Variants in PVT1 observed in about 807,000 individuals in gnomAD.
PVT1 encodes CXCR4/PVT1 fusion.
intron 6 of PVT1, among the ~76,000 whole-genome samples, chr8:128,099,206 C>T (rs1235013927): frequency 1.3e-5 from 2 of 152,238 alleles, no homozygotes; most frequent in Non-Finnish European, 2.9e-5. Flanking sequence ...GATCACACAT[C>T]CCTAGCCGAT....
At chr8:128,080,850 T>C (rs1814167032) in intron 5 of PVT1, among the ~76,000 whole-genome samples, 1 of 152,240 alleles carries the variant, frequency 6.6e-6, no homozygotes, top group Non-Finnish European at 1.5e-5. Context: ...TTAAATTTAC[T>C]TTTAGGTCTA....
intron 4 of PVT1, among the ~76,000 whole-genome samples, chr8:128,046,479 T>C (rs1813614460): frequency 6.6e-6 from 1 of 152,222 alleles, no homozygotes; most frequent in Non-Finnish European, 1.5e-5. Context: ...GGAATGTTCT[T>C]AGAACTGTAG....
chr8:127,976,999 T>G lies in PVT1; in HGVS notation n.783-12163T>G, dbSNP rs114795600. Among the ~76,000 whole-genome samples the G allele has an allele frequency of 2.2e-3, 334 of 152,268 alleles. 1 individual carries two copies. The highest frequency in any genetic ancestry group is 7.5e-3 in the African/African-American group (310 of 41,540). On this transcript the variant is annotated intron_variant and non_coding_transcript_variant, in intron 3 of 10. Transcript: ENST00000651587. ...TAGGTGCTCCCAGATCCACGATGTG[T>G]AGTAATAGGCTAAAGGCATCAGTGT... is the stretch of plus-strand genomic sequence containing the variant.
chr8:127,940,600 G>GC (rs939636766), intron 3 of PVT1: 2 of 150,480 alleles, frequency 1.3e-5, no homozygotes, highest in African/African-American at 4.9e-5. Context: ...TTGTGGGGGG[G>GC]GGCGGTGGAG....
At chr8:128,016,790 T>C (rs1479186352) in intron 4 of PVT1, among the ~76,000 whole-genome samples, 3 of 152,190 alleles carry the variant, frequency 2.0e-5, no homozygotes, top group African/African-American at 4.8e-5. Flanking sequence ...CCATGGCTTT[T>C]CCTAATCAGA....
At chr8:127,915,349 C>A (rs1203803071) in intron 3 of PVT1, among the ~76,000 whole-genome samples, 1 of 151,828 alleles carries the variant, frequency 6.6e-6, no homozygotes, top group African/African-American at 2.4e-5. Flanking sequence ...GTGGCTCACA[C>A]CTGTAATCCC....
intron 3 of PVT1, chr8:127,948,124 A>G (rs905797342): frequency 2.2e-5 from 8 of 368,662 alleles, no homozygotes; most frequent in Non-Finnish European, 3.7e-5. Context: ...GGCCATAGTA[A>G]GTTCCAGAGT....
At chr8:128,075,108 C>G (rs1042906401) in intron 5 of PVT1, among the ~76,000 whole-genome samples, 2 of 152,096 alleles carry the variant, frequency 1.3e-5, no homozygotes, top group African/African-American at 4.8e-5. Context: ...AAGATGTGTC[C>G]TTTTGCAAAC....
intron 3 of PVT1, among the ~76,000 whole-genome samples, chr8:127,968,560 T>C (rs4733584): frequency 0.79 from 119,826 of 152,118 alleles, 47,839 homozygotes; most frequent in African/African-American, 0.92. Context: ...GAAGACACAA[T>C]GAGAGGCCTG....
intron 5 of PVT1, among the ~76,000 whole-genome samples, chr8:128,077,561 T>C (rs530443978): frequency 1.3e-5 from 2 of 152,326 alleles, no homozygotes; most frequent in South Asian, 4.1e-4. Flanking sequence ...TGGGCATTTT[T>C]TCACATTAAC....
intron 4 of PVT1, among the ~76,000 whole-genome samples, chr8:128,039,454 A>G (rs1813505956): frequency 6.6e-6 from 1 of 152,166 alleles, no homozygotes; most frequent in African/African-American, 2.4e-5. Flanking sequence ...CCCTAAAGTC[A>G]TGGCCCTTGC....
chr8:127,967,018 C>T (rs924245377), intron 3 of PVT1, among the ~76,000 whole-genome samples: 1 of 152,138 alleles, frequency 6.6e-6, no homozygotes, highest in Non-Finnish European at 1.5e-5. Flanking sequence ...AAAGGAAAAT[C>T]CCGAGGAGGC....
chr8:127,840,903 G>A (rs536241954), intron 2 of PVT1, among the ~76,000 whole-genome samples: 2 of 152,322 alleles, frequency 1.3e-5, no homozygotes, highest in South Asian at 2.1e-4. Context: ...GTGGGATGGC[G>A]AATGAAGAAG....
At chr8:128,049,334 C>T (rs889864003) in intron 4 of PVT1, 2 of 374,466 alleles carry the variant, frequency 5.3e-6, no homozygotes, top group Admixed American at 3.3e-5. Flanking sequence ...GGAAGGAAGG[C>T]GGGAGTGTGA....
intron 4 of PVT1, chr8:128,010,730 G>C (rs1403613504): frequency 6.6e-6 from 1 of 152,210 alleles, no homozygotes; most frequent in Non-Finnish European, 1.5e-5. Flanking sequence ...TCATCATTGA[G>C]CATCTACTCT....
intron 3 of PVT1, among the ~76,000 whole-genome samples, chr8:127,987,862 G>A (rs1170383199): frequency 6.6e-6 from 1 of 152,210 alleles, no homozygotes; most frequent in East Asian, 1.9e-4. Context: ...GCTGCTCACT[G>A]GGGAGCCCAG....
chr8:127,818,225 A>G (rs1176161949), intron 2 of PVT1, among the ~76,000 whole-genome samples: 1 of 152,182 alleles, frequency 6.6e-6, no homozygotes, highest in Non-Finnish European at 1.5e-5. Flanking sequence ...GGCCTCCTCC[A>G]GTAGATGTGT....
At chr8:127,877,661 AG>A (rs1467243480) in intron 2 of PVT1, among the ~76,000 whole-genome samples, 1 of 152,164 alleles carries the variant, frequency 6.6e-6, no homozygotes, top group African/African-American at 2.4e-5. Flanking sequence ...TGAGATTTTA[AG>A]CTCTTTGCAG....
At chr8:128,015,240 C>T (rs922989775) in intron 4 of PVT1, among the ~76,000 whole-genome samples, 3 of 151,990 alleles carry the variant, frequency 2.0e-5, no homozygotes, top group Non-Finnish European at 2.9e-5. Context: ...CAGGCGTGCA[C>T]CAACACATCA....
Sources: gnomAD v4.1 joint callset for allele counts (sites outside exome capture counted in the v4.1 genomes callset) on GRCh38, gnomAD v4.1.1 for gene constraint, MANE v1.5 for transcripts, NCBI Gene and HGNC (gene_info 2026-07-23, HGNC 2026-07-21) for gene names.